The following STARD3NL variants were observed in gnomAD, a reference collection of about 807,000 sequenced individuals.
The protein encoded by STARD3NL is STARD3 N-terminal-like protein.
Under a neutral mutation model 30.9 loss-of-function variants are expected in STARD3NL, and 17 were observed. That is an observed-to-expected ratio of 0.55 (90% confidence interval 0.38 to 0.82). STARD3NL has a LOEUF of 0.82. Among genes scored for constraint, STARD3NL ranks in the 40% least tolerant of loss-of-function variants. STARD3NL has a pLI of 0.00. For missense variants in STARD3NL, 234 were observed against 277.6 expected, an observed-to-expected ratio of 0.84 and a Z score of 1.12; for synonymous variants, 112 against 100.5, an observed-to-expected ratio of 1.11 and a Z score of -0.69.
At position 38,230,598 on chromosome 7, in the gene STARD3NL, C is replaced by T. The variant is rs1385884286; in HGVS notation, c.*693C>T. On this transcript the variant is annotated 3_prime_UTR_variant, in exon 9 of 9. Transcript: ENST00000009041. Reference sequence around the variant, plus strand: ...TCTAAATACTCTTATTTTGAATGCACAAAATGACTTAAACCATTCATATCA... The same window carrying T: ...TCTAAATACTCTTATTTTGAATGCATAAAATGACTTAAACCATTCATATCA... The T allele has an allele frequency of 6.6e-6, 1 of 152,190 alleles. No homozygotes were observed. The highest frequency in any genetic ancestry group is 2.4e-5 in the African/African-American group (1 of 41,444). 9.4% of individuals were successfully genotyped at this position (152,190 alleles called of 1,614,324 possible).
chr7:38,227,238 T>C (rs1255621746), intron 7 of STARD3NL, among the ~76,000 whole-genome samples: 1 of 152,222 alleles, frequency 6.6e-6, no homozygotes, highest in Non-Finnish European at 1.5e-5. Context: ...TCAGTGCCAC[T>C]GGCCTAGCAG....
intron 7 of STARD3NL, among the ~76,000 whole-genome samples, chr7:38,226,686 A>G (rs1289710834): frequency 6.6e-6 from 1 of 152,198 alleles, no homozygotes; most frequent in Admixed American, 6.5e-5. Context: ...AGCTGGGCAT[A>G]TGCTTGTCCC....
chr7:38,202,507 C>T (rs1785230110), intron 1 of STARD3NL, among the ~76,000 whole-genome samples: 1 of 152,052 alleles, frequency 6.6e-6, no homozygotes, highest in African/African-American at 2.4e-5. Context: ...AATATAATCT[C>T]ATTAGTCCGA....
At chr7:38,217,513 A>G (rs181081527) in intron 6 of STARD3NL, among the ~76,000 whole-genome samples, 129 of 152,296 alleles carry the variant, frequency 8.5e-4, no homozygotes, top group Non-Finnish European at 1.6e-3. Context: ...CTCTCCAGCT[A>G]TCAGGCCAGG....
At chr7:38,187,417 T>G (rs1173297398) in intron 1 of STARD3NL, among the ~76,000 whole-genome samples, 4 of 152,216 alleles carry the variant, frequency 2.6e-5, no homozygotes, top group African/African-American at 9.7e-5. Flanking sequence ...AGTCATTCCC[T>G]TGTATTATTT....
chr7:38,206,273 C>T (rs943519879), intron 1 of STARD3NL, among the ~76,000 whole-genome samples: 3 of 152,158 alleles, frequency 2.0e-5, no homozygotes, highest in Non-Finnish European at 2.9e-5. Flanking sequence ...TGGTGAGCCA[C>T]ATACTGGCGA....
At chr7:38,181,404 A>G (rs916970922) in intron 1 of STARD3NL, among the ~76,000 whole-genome samples, 1 of 152,308 alleles carries the variant, frequency 6.6e-6, no homozygotes, top group Middle Eastern at 3.4e-3. Flanking sequence ...ATAAGTCAAA[A>G]TCAGTTTATA....
chr7:38,190,948 C>CA (rs747222546), intron 1 of STARD3NL, among the ~76,000 whole-genome samples: 5 of 152,132 alleles, frequency 3.3e-5, no homozygotes, highest in Non-Finnish European at 7.4e-5. Context: ...TGTTGCAACG[C>CA]ATCAGAAGGC....
intron 8 of STARD3NL, among the ~76,000 whole-genome samples, chr7:38,229,306 C>T (rs530782046): frequency 1.3e-5 from 2 of 152,342 alleles, no homozygotes; most frequent in African/African-American, 4.8e-5. Flanking sequence ...GACGAGGCAG[C>T]GCTGGGGCTC....
At chr7:38,218,912 A>C (rs1318437345) in intron 6 of STARD3NL, among the ~76,000 whole-genome samples, 1 of 152,158 alleles carries the variant, frequency 6.6e-6, no homozygotes, top group Non-Finnish European at 1.5e-5. Flanking sequence ...CCTGTATTGC[A>C]CTTTACATCT....
intron 7 of STARD3NL, among the ~76,000 whole-genome samples, chr7:38,223,969 C>T (rs1308298107): frequency 6.6e-6 from 1 of 152,214 alleles, no homozygotes; most frequent in Non-Finnish European, 1.5e-5. Flanking sequence ...ATCCCCACTT[C>T]TACCTCTAAT....
intron 6 of STARD3NL, among the ~76,000 whole-genome samples, chr7:38,217,842 A>T (rs1786213214): frequency 1.3e-5 from 2 of 152,208 alleles, no homozygotes; most frequent in Admixed American, 6.5e-5. Flanking sequence ...GCTGGGGACC[A>T]TTGGTGGGTT....
chr7:38,215,197 C>CTAATGCA, intron 4 of STARD3NL, 92 bp downstream of exon 4: 1 of 1,227,444 alleles, frequency 8.1e-7, no homozygotes, highest in East Asian at 2.4e-5. Context: ...AGATACAGTT[C>CTAATGCA]TAATGCAGGT....
At chr7:38,206,437 A>G (rs1047435196) in intron 1 of STARD3NL, among the ~76,000 whole-genome samples, 1 of 152,220 alleles carries the variant, frequency 6.6e-6, no homozygotes, top group African/African-American at 2.4e-5. Context: ...AGGCTGCTTG[A>G]CAATCATACC....
chr7:38,195,594 G>T (rs1371381202), intron 1 of STARD3NL, among the ~76,000 whole-genome samples: 2 of 152,190 alleles, frequency 1.3e-5, no homozygotes, highest in African/African-American at 4.8e-5. Context: ...TTCTAGCTTT[G>T]CTTTGAGCTT....
intron 2 of STARD3NL, among the ~76,000 whole-genome samples, chr7:38,211,912 T>C (rs1046844812): frequency 1.3e-5 from 2 of 152,242 alleles, no homozygotes; most frequent in South Asian, 4.1e-4. Flanking sequence ...CTAAAATATA[T>C]TCAAAATGTG....
At chr7:38,226,429 A>G (rs1786772320) in intron 7 of STARD3NL, among the ~76,000 whole-genome samples, 2 of 152,144 alleles carry the variant, frequency 1.3e-5, no homozygotes, top group African/African-American at 4.8e-5. Context: ...CCTACTGATT[A>G]GGCAGAGCCT....
chr7:38,222,597 G>A (rs1050237317), intron 7 of STARD3NL, among the ~76,000 whole-genome samples: 3 of 152,152 alleles, frequency 2.0e-5, no homozygotes, highest in Non-Finnish European at 2.9e-5. Context: ...GTAGTGATAC[G>A]AGGAACACGG....
intron 1 of STARD3NL, among the ~76,000 whole-genome samples, chr7:38,196,922 G>T (rs552007076): frequency 4.6e-5 from 7 of 152,252 alleles, no homozygotes; most frequent in East Asian, 3.9e-4. Context: ...GGAAAACAAG[G>T]CTGCTTTGAA....
Sources: allele counts gnomAD v4.1 joint callset (sites outside exome capture counted in the v4.1 genomes callset), GRCh38; gene constraint gnomAD v4.1.1; transcripts MANE v1.5; gene names NCBI Gene and HGNC (gene_info 2026-07-23, HGNC 2026-07-21).